The following ABHD12 variants were observed in gnomAD, a reference collection of about 807,000 sequenced individuals.
The protein encoded by ABHD12 is lysophosphatidylserine lipase ABHD12.
Under a neutral mutation model 58.3 loss-of-function variants are expected in ABHD12, and 43 were observed. That is an observed-to-expected ratio of 0.74 (90% CI 0.58 to 0.95). The LOEUF (loss-of-function observed/expected upper bound fraction) is 0.95, where lower values mean the gene tolerates loss of function less well. Ranked by LOEUF, ABHD12 falls within the 40% of genes least tolerant of loss-of-function variation. ABHD12 has a pLI of 0.00. For synonymous variants in ABHD12, 219 were observed against 211.2 expected (o/e 1.04, Z -0.32); for missense variants, 539 against 537.2 (o/e 1.00, Z -0.03).
intron 6 of ABHD12, among the ~76,000 whole-genome samples, chr20:25,313,223 T>C (rs1438000151): frequency 1.3e-5 from 2 of 152,416 alleles, no homozygotes; most frequent in African/African-American, 2.4e-5. Flanking sequence ...GGAGACTCCA[T>C]TTTGTTCTGT....
chr20:25,327,466 C>CAA (rs566529626), intron 2 of ABHD12, among the ~76,000 whole-genome samples: 1,100 of 101,604 alleles, frequency 0.011, 12 homozygotes, highest in African/African-American at 0.032. Flanking sequence ...GACTCCGTCT[C>CAA]AAAAAAAAAA....
chr20:25,338,998 C>T (rs1010080464), intron 2 of ABHD12: 1 of 1,302,086 alleles, frequency 7.7e-7, no homozygotes, highest in Non-Finnish European at 9.8e-7. Flanking sequence ...GGAAGGGGCA[C>T]AGGGACCTTT....
At chr20:25,385,331 CAAAAAAAAAA>C (rs11477490) in intron 1 of ABHD12, among the ~76,000 whole-genome samples, 1 of 51,716 alleles carries the variant, frequency 1.9e-5, no homozygotes, top group Non-Finnish European at 3.4e-5. Context: ...GAGTGAGACT[CAAAAAAAAAA>C]AAAAAAAAAA....
intron 1 of ABHD12, among the ~76,000 whole-genome samples, chr20:25,361,950 G>A (rs989838678): frequency 6.0e-5 from 9 of 151,036 alleles, no homozygotes; most frequent in African/African-American, 9.8e-5. Flanking sequence ...GCGACACTCC[G>A]TCTCAAAACA....
chr20:25,367,572 C>T (rs145764535), intron 1 of ABHD12, among the ~76,000 whole-genome samples: 121 of 152,320 alleles, frequency 7.9e-4, no homozygotes, highest in African/African-American at 2.9e-3. Context: ...CAGTAACTCC[C>T]ATTCTCCATC....
chr20:25,342,262 A>G (rs974851194), intron 1 of ABHD12, among the ~76,000 whole-genome samples: 11 of 152,266 alleles, frequency 7.2e-5, no homozygotes, highest in African/African-American at 2.7e-4. Flanking sequence ...AACTATTGAT[A>G]CATGCAACCA....
At chr20:25,331,007 A>G (rs913027596) in intron 2 of ABHD12, among the ~76,000 whole-genome samples, 1 of 152,234 alleles carries the variant, frequency 6.6e-6, no homozygotes, top group Non-Finnish European at 1.5e-5. Flanking sequence ...CAGACGATCA[A>G]ATTACTCCAA....
At chr20:25,339,686 A>C in intron 1 of ABHD12, 4 of 1,379,706 alleles carry the variant, frequency 2.9e-6, no homozygotes, top group Non-Finnish European at 3.9e-6. Context: ...ATCAGACCCC[A>C]GCTGTAACCT....
At chr20:25,316,664 A>T (rs1417194524) in intron 5 of ABHD12, among the ~76,000 whole-genome samples, 2 of 152,210 alleles carry the variant, frequency 1.3e-5, no homozygotes, top group African/African-American at 2.4e-5. Flanking sequence ...GGCAGTGTTA[A>T]AAAGCTCAAC....
chr20:25,296,651 GC>G, downstream of ABHD12: 1 of 1,244,734 alleles, frequency 8.0e-7, no homozygotes, highest in Non-Finnish European at 1.1e-6. Context: ...TCCAGGAGGG[GC>G]CATGGGGGTC....
Position 25,314,912 on chromosome 20 carries a change from A to G in ABHD12, c.619+13T>C. ...GGAATTGTGCTCAGATGCTCTTGCAAAAGAAATCTCACCTCTGTAGTCAAA... is the reference window on the plus strand; with the variant it reads ...GGAATTGTGCTCAGATGCTCTTGCAGAAGAAATCTCACCTCTGTAGTCAAA... On this transcript the variant is annotated intron_variant, in intron 6 of 12. Coordinates refer to ENST00000339157, the MANE Select transcript of ABHD12 (RefSeq NM_001042472.3). 1 of 1,614,134 alleles carries G rather than the reference A, an allele frequency of 6.2e-7. No homozygotes were observed. The highest frequency in any genetic ancestry group is 8.5e-7 in the Non-Finnish European group (1 of 1,179,980).
intron 1 of ABHD12, among the ~76,000 whole-genome samples, chr20:25,383,773 G>A (rs556649527): frequency 6.6e-6 from 1 of 152,192 alleles, no homozygotes; most frequent in African/African-American, 2.4e-5. Context: ...GACCAACATG[G>A]TGAAACCTCG....
intron 6 of ABHD12, among the ~76,000 whole-genome samples, chr20:25,311,590 A>G (rs895361824): frequency 7.9e-5 from 12 of 152,160 alleles, no homozygotes; most frequent in African/African-American, 2.9e-4. Context: ...TCCCTCCCAT[A>G]TCTCCTCTTG....
intron 7 of ABHD12, 25 bp downstream of exon 7, chr20:25,309,421 G>T (rs1326740150): frequency 1.2e-6 from 2 of 1,613,738 alleles, no homozygotes; most frequent in South Asian, 1.1e-5. Flanking sequence ...CCCACTAAAG[G>T]CTGCCTCCTG....
At chr20:25,312,642 C>G (rs1257915626) in intron 6 of ABHD12, among the ~76,000 whole-genome samples, 1 of 151,828 alleles carries the variant, frequency 6.6e-6, no homozygotes, top group South Asian at 2.1e-4. Context: ...GGCCGCCCAT[C>G]GTCTGGGATG....
chr20:25,312,876 G>A (rs1167469727), intron 6 of ABHD12, among the ~76,000 whole-genome samples: 3 of 146,590 alleles, frequency 2.0e-5, no homozygotes, highest in Admixed American at 6.8e-5. Flanking sequence ...CAGCCGCCCC[G>A]TCTGAGAAGT....
At chr20:25,341,234 C>A (rs1379463788) in intron 1 of ABHD12, among the ~76,000 whole-genome samples, 1 of 152,204 alleles carries the variant, frequency 6.6e-6, no homozygotes, top group African/African-American at 2.4e-5. Context: ...CCATGGCAGG[C>A]TTGGTGAGAG....
intron 1 of ABHD12, among the ~76,000 whole-genome samples, chr20:25,366,786 A>T (rs940588379): frequency 2.0e-5 from 3 of 152,190 alleles, no homozygotes; most frequent in Non-Finnish European, 4.4e-5. Flanking sequence ...ACTCCACTCA[A>T]CTATTATTCC....
chr20:25,308,317 G>T, intron 8 of ABHD12, 140 bp downstream of exon 8: 2 of 1,059,420 alleles, frequency 1.9e-6, no homozygotes, highest in Non-Finnish European at 1.4e-6. Context: ...ATCATGGGAA[G>T]GGTGGCTGGT....
Sources: gnomAD v4.1 joint callset for allele counts (sites outside exome capture counted in the v4.1 genomes callset) on GRCh38, gnomAD v4.1.1 for gene constraint, MANE v1.5 for transcripts, NCBI Gene and HGNC (gene_info 2026-07-23, HGNC 2026-07-21) for gene names.